The following VGLL1 variants were observed in gnomAD, a reference collection of about 807,000 sequenced individuals.
VGLL1 encodes vestigial like family member 1, also known as transcription cofactor vestigial-like protein 1.
Under a neutral mutation model 12.0 loss-of-function variants are expected in VGLL1, and 4 were observed. That is an observed-to-expected ratio of 0.33 (90% CI 0.16 to 0.76). The LOEUF is 0.76. VGLL1 is among the 30% of genes least tolerant of loss of function. The pLI is 0.60. For synonymous variants in VGLL1, 87 were observed against 81.2 expected, an observed-to-expected ratio of 1.07 and a Z score of -0.39; for missense variants, 204 against 208.7, an observed-to-expected ratio of 0.98 and a Z score of 0.14.
intron 1 of VGLL1, 25 bp downstream of exon 1, chrX:136,532,321 G>C (rs1488180473): frequency 1.8e-5 from 2 of 111,574 alleles, no homozygotes; most frequent in East Asian, 2.8e-4. Context: ...GGATTTTTTT[G>C]GGGGGAGAAG....
At chrX:136,533,660 G>A (rs1022529678) in intron 1 of VGLL1, among the ~76,000 whole-genome samples, 1 of 111,987 alleles carries the variant, frequency 8.9e-6, no homozygotes, top group Non-Finnish European at 1.9e-5. Context: ...CCCTGAGGGA[G>A]CAGACAGAGT....
At chrX:136,551,801 CT>C (rs2075887076) in intron 4 of VGLL1, among the ~76,000 whole-genome samples, 3 of 111,728 alleles carry the variant, frequency 2.7e-5, no homozygotes, top group Admixed American at 9.5e-5. Context: ...AGGACTCAAG[CT>C]GGGTGTGGTG....
rs777930361 is a variant in VGLL1 at position 136,545,896 on chromosome X, G to A, written c.215-2693G>A. Among the ~76,000 whole-genome samples the A allele has an allele frequency of 3.6e-5, 4 of 111,641 alleles. No homozygotes were observed. The South Asian group carries it at 1.5e-3, about 42-fold the overall frequency. On this transcript the variant is annotated intron_variant, in intron 2 of 4. Coordinates refer to ENST00000370634, the MANE Select transcript of VGLL1 (RefSeq NM_016267.4). The stretch of plus-strand genomic sequence containing the variant: ...ACCGAAAAAGGGCAGTGCGGGAAAT[G>A]GAGACCAGCTCTCTCTGGACAGGTT...
intron 4 of VGLL1, among the ~76,000 whole-genome samples, chrX:136,553,297 T>A (rs946852386): frequency 8.9e-5 from 9 of 101,520 alleles, no homozygotes; most frequent in Non-Finnish European, 1.6e-4. Flanking sequence ...TGCCTCTTCA[T>A]GTTTTATTCT....
At position 136,545,976 on chromosome X, in the gene VGLL1, G is replaced by T. The variant is rs1399728576; in HGVS notation, c.215-2613G>T. 5.4e-5 allele frequency among the ~76,000 whole-genome samples: 6 copies of T among 111,699 alleles called. No individual in the cohort carries two copies. The East Asian group carries it at 1.4e-3, about 26-fold the overall frequency. On this transcript the variant is annotated intron_variant, in intron 2 of 4. Coordinates refer to ENST00000370634, the MANE Select transcript of VGLL1 (RefSeq NM_016267.4). The stretch of plus-strand genomic sequence containing the variant: ...CTAGAGGGATGAATGGGACTAAGAG[G>T]TAGGGTCTAGATGCCCAGGGTTGAA...
chrX:136,536,996 T>C (rs2075841614), intron 2 of VGLL1, among the ~76,000 whole-genome samples: 1 of 112,733 alleles, frequency 8.9e-6, no homozygotes, highest in African/African-American at 3.2e-5. Context: ...TTTTAAATGT[T>C]GATAATATTT....
chrX:136,538,986 G>A (rs1364563070), intron 2 of VGLL1, among the ~76,000 whole-genome samples: 1 of 111,127 alleles, frequency 9.0e-6, no homozygotes, highest in Non-Finnish European at 1.9e-5. Flanking sequence ...AATGACCATG[G>A]TCTTGAATCA....
intron 2 of VGLL1, among the ~76,000 whole-genome samples, chrX:136,538,593 C>T (rs2075846817): frequency 8.9e-6 from 1 of 112,170 alleles, no homozygotes; most frequent in African/African-American, 3.2e-5. Flanking sequence ...GACTTGCTCC[C>T]ACTGGAAGAC....
At chrX:136,555,388 T>G (rs768339433) in intron 4 of VGLL1, among the ~76,000 whole-genome samples, 2 of 111,843 alleles carry the variant, frequency 1.8e-5, no homozygotes, top group Non-Finnish European at 3.8e-5. Context: ...CTTAGAGAAA[T>G]TTAACATTGA....
rs902619990 is a variant in VGLL1 at position 136,556,653 on chromosome X, T to C, written c.*114T>C. The C allele has an allele frequency of 5.2e-5, 34 of 650,951 alleles. No homozygotes were observed. The highest frequency in any genetic ancestry group is 7.9e-5 in the Non-Finnish European group (33 of 419,360). The allele number at this position is 650,951 out of a possible 1,213,427, so 53.6% of individuals were successfully genotyped here. A position where few individuals can be genotyped will look rare whatever the true frequency, so the allele number is the denominator to read the frequency against. ...CACACCCACTTGCCTCCCCAATCTG[T>C]TAAACAGCTTCGTGTCTAGTATGAG... On this transcript the variant is annotated 3_prime_UTR_variant, in exon 5 of 5. Transcript: ENST00000370634.
At chrX:136,550,482 G>T in intron 3 of VGLL1, 2 of 246,838 alleles carry the variant, frequency 8.1e-6, no homozygotes, top group Non-Finnish European at 1.4e-5. Context: ...TTATCACCAA[G>T]GTCTTCATGC....
rs999815703 is a variant in VGLL1, at chrX:136,554,997, A to G, written c.689-1454A>G. Among the ~76,000 whole-genome samples the G allele has an allele frequency of 2.7e-5, 3 of 112,353 alleles. No individual in the cohort carries two copies. In the Admixed American group the frequency reaches 2.8e-4, roughly 11 times the overall value. ...GTGATCACCTAGTCAGAGGACGTAG[A>G]CATAGAAGAGAGGAGAGCTGCAGAA... On this transcript the variant is annotated intron_variant, in intron 4 of 4. Transcript: ENST00000370634.
chrX:136,532,585 C>G (rs758467190), intron 1 of VGLL1, among the ~76,000 whole-genome samples: 1 of 20,789 alleles, frequency 4.8e-5, no homozygotes, highest in Admixed American at 6.4e-4. Flanking sequence ...TTCTTTCTTT[C>G]TTTCTTTCTT....
chrX:136,553,306 CTT>C (rs1226003954), intron 4 of VGLL1, among the ~76,000 whole-genome samples: 2,613 of 72,375 alleles, frequency 0.036, 96 homozygotes, highest in African/African-American at 0.12. Flanking sequence ...ATGTTTTATT[CTT>C]TTTTTTTTTT....
intron 3 of VGLL1, among the ~76,000 whole-genome samples, chrX:136,550,241 C>G (rs2075881924): frequency 8.9e-6 from 1 of 112,743 alleles, no homozygotes; most frequent in South Asian, 3.6e-4. Flanking sequence ...ATTAGGCCAA[C>G]TGTGCTTGTA....
Position 136,548,317 on chromosome X carries a change from A to G in VGLL1, c.215-272A>G, listed in dbSNP as rs189039090. ...TGCCTGGCCTATTCATTTCTATAGGAGGCTTTTCATGATATTTTAATGAAG... is the reference window on the plus strand; with the variant it reads ...TGCCTGGCCTATTCATTTCTATAGGGGGCTTTTCATGATATTTTAATGAAG... On this transcript the variant is annotated intron_variant, in intron 2 of 4. Transcript: ENST00000370634. Among the ~76,000 whole-genome samples, 5 of 111,840 alleles carry G rather than the reference A, an allele frequency of 4.5e-5. No individual in the cohort carries two copies. The East Asian group carries it at 1.4e-3, about 31-fold the overall frequency.
intron 2 of VGLL1, among the ~76,000 whole-genome samples, chrX:136,539,422 C>A (rs924298009): frequency 4.5e-5 from 5 of 111,725 alleles, no homozygotes; most frequent in Admixed American, 9.5e-5. Flanking sequence ...ACCCAGTGAC[C>A]TCCACTTTCC....
In VGLL1 at chrX:136,549,008, T is replaced by C. The variant is rs753023880; in HGVS notation, c.634T>C (p.Tyr212His). Residue 212 changes from tyrosine to histidine, a missense_variant and splice_region_variant, in exon 3 of 5, where the codon TAT (tyrosine) becomes CAT (histidine). Coordinates refer to ENST00000370634, the MANE Select transcript of VGLL1 (RefSeq NM_016267.4). The part of the protein sequence containing the change: ...LFNLPPGSVH[Y>H]KKLYVSRGSA... ...CAACCTGCCTCCCGGCTCAGTTCAC[T>C]GTAAGGAAATGCCTACAGATACTTG... 3 of 1,198,956 alleles carry C rather than the reference T, an allele frequency of 2.5e-6. No individual in the cohort carries two copies. Among genetic ancestry groups the C allele is most frequent in the South Asian group, 1.8e-5 (1 of 55,130 alleles).
In VGLL1 at chrX:136,537,422, A is replaced by C. The variant is rs2075843092; in HGVS notation, c.214+1188A>C. On this transcript the variant is annotated intron_variant, in intron 2 of 4. Coordinates refer to ENST00000370634, the MANE Select transcript of VGLL1 (RefSeq NM_016267.4). The stretch of plus-strand genomic sequence containing the variant: ...ACTGGAAAAAGAAAAAAAGAAGTTT[A>C]ATGTAAAAATGGGTGCTGTTTAATC... Among the ~76,000 whole-genome samples the C allele has an allele frequency of 3.6e-5, 4 of 111,920 alleles. No individual in the cohort carries two copies. In the South Asian group the frequency reaches 1.5e-3, roughly 41 times the overall value.
Sources: gnomAD v4.1 joint callset for allele counts (sites outside exome capture counted in the v4.1 genomes callset) on GRCh38, gnomAD v4.1.1 for gene constraint, MANE v1.5 for transcripts, NCBI Gene and HGNC (gene_info 2026-07-23, HGNC 2026-07-21) for gene names.